Variants in OLFM3 observed in about 807,000 individuals in gnomAD.
The protein encoded by OLFM3 is olfactomedin 3, also known as noelin-3.
In OLFM3, 20 loss-of-function variants were observed where a neutral mutation model predicts 48.6. The ratio of observed to expected loss-of-function variants is 0.41; its 90% confidence interval spans 0.29 to 0.60. OLFM3 has a LOEUF of 0.60. OLFM3 is among the 20% of genes least tolerant of loss of function. The pLI is 0.28. For synonymous variants in OLFM3, 222 were observed against 198.1 expected, an observed-to-expected ratio of 1.12 and a Z score of -1.01; for missense variants, 437 against 544.3, an observed-to-expected ratio of 0.80 and a Z score of 1.96.
intron 4 of OLFM3, among the ~76,000 whole-genome samples, chr1:101,811,630 C>A (rs1437951291): frequency 6.6e-6 from 1 of 152,168 alleles, no homozygotes; most frequent in Non-Finnish European, 1.5e-5. Flanking sequence ...ATCAAAACCA[C>A]AATGAGATAC....
intron 1 of OLFM3, among the ~76,000 whole-genome samples, chr1:101,863,943 T>C (rs1207033693): frequency 6.6e-6 from 1 of 152,212 alleles, no homozygotes. Context: ...TCCCAGACAA[T>C]TGTCTCATAG....
At chr1:101,904,402 A>G (rs1658489480) in intron 1 of OLFM3, among the ~76,000 whole-genome samples, 1 of 152,078 alleles carries the variant, frequency 6.6e-6, no homozygotes, top group Admixed American at 6.6e-5. Context: ...AAGAGAGAGA[A>G]GTTCCATTTT....
chr1:101,857,357 C>CA (rs1656467399), intron 1 of OLFM3, among the ~76,000 whole-genome samples: 2 of 151,894 alleles, frequency 1.3e-5, no homozygotes, highest in Non-Finnish European at 2.9e-5. Context: ...AAAATAGATT[C>CA]AAAATTACAA....
chr1:101,842,644 A>T (rs1222937368), intron 1 of OLFM3, among the ~76,000 whole-genome samples: 1 of 152,282 alleles, frequency 6.6e-6, no homozygotes, highest in Non-Finnish European at 1.5e-5. Flanking sequence ...AGTCATATTT[A>T]GTCCCATGTC....
chr1:101,921,548 A>G (rs1293099709), intron 1 of OLFM3, among the ~76,000 whole-genome samples: 2 of 152,220 alleles, frequency 1.3e-5, no homozygotes, highest in East Asian at 3.9e-4. Flanking sequence ...GGCTTGAGTA[A>G]AAGGCACTTG....
At chr1:101,953,091 A>AT (rs1404915608) in intron 1 of OLFM3, among the ~76,000 whole-genome samples, 2 of 152,156 alleles carry the variant, frequency 1.3e-5, no homozygotes, top group African/African-American at 2.4e-5. Flanking sequence ...ACTTCTCAAT[A>AT]TTTTTATTAA....
intron 1 of OLFM3, among the ~76,000 whole-genome samples, chr1:101,848,023 T>C (rs767597327): frequency 6.6e-6 from 1 of 152,166 alleles, no homozygotes; most frequent in Non-Finnish European, 1.5e-5. Context: ...AATGATCTGT[T>C]TATTAGATTA....
At chr1:101,959,163 C>T (rs1660392471) in intron 1 of OLFM3, among the ~76,000 whole-genome samples, 1 of 151,926 alleles carries the variant, frequency 6.6e-6, no homozygotes, top group Non-Finnish European at 1.5e-5. Context: ...TGTGAGGCTG[C>T]AATGCATGCA....
rs1409636821 is a variant in OLFM3, at chr1:101,804,452, T to C, written c.1163A>G (p.Asn388Ser). The C allele has an allele frequency of 3.7e-6, 6 of 1,612,430 alleles. No individual in the cohort carries two copies. The highest frequency in any genetic ancestry group is 5.1e-6 in the Non-Finnish European group (6 of 1,178,980). Residue 388 changes from asparagine to serine, a missense_variant, in exon 6 of 6, where the codon AAC becomes AGC. Asn to Ser is a conservative substitution (Grantham distance 46, BLOSUM62 1). Transcript: ENST00000370103. This position sits in a 1 kb window ranked among gnomAD's most constrained non-coding sequence, Gnocchi z 4.5. ...FMICGTLYVT[N>S]SHLTGAKVYY... ...CACCTTGGCTCCAGTTAAGTGGGAG[T>C]TGGTGACATACAGTGTCCCACAGAT... is the stretch of plus-strand genomic sequence containing the variant.
At chr1:101,981,503 C>A (rs1661105261) in intron 1 of OLFM3, among the ~76,000 whole-genome samples, 1 of 152,146 alleles carries the variant, frequency 6.6e-6, no homozygotes. Flanking sequence ...TACAGCAAAA[C>A]TCCTCAGAAT....
chr1:101,831,241 T>C (rs1428480346), intron 2 of OLFM3, among the ~76,000 whole-genome samples: 1 of 152,212 alleles, frequency 6.6e-6, no homozygotes, highest in African/African-American at 2.4e-5. Context: ...TGGATGGTAG[T>C]GAAGTGTCGA....
intron 1 of OLFM3, among the ~76,000 whole-genome samples, chr1:101,857,569 C>T (rs1656476834): frequency 6.6e-6 from 1 of 151,840 alleles, no homozygotes; most frequent in African/African-American, 2.4e-5. Flanking sequence ...GCAAAGCATT[C>T]CACCCGCTCC....
chr1:101,918,331 TA>T (rs1252345575), intron 1 of OLFM3, among the ~76,000 whole-genome samples: 4 of 152,174 alleles, frequency 2.6e-5, no homozygotes, highest in African/African-American at 9.7e-5. Flanking sequence ...ATTAATATCT[TA>T]AGTTGTTTTG....
chr1:101,970,135 C>A (rs1280857573), intron 1 of OLFM3, among the ~76,000 whole-genome samples: 1 of 152,010 alleles, frequency 6.6e-6, no homozygotes, highest in Non-Finnish European at 1.5e-5. Context: ...CTTGCCTCAG[C>A]CTCCCTAGTA....
chr1:101,928,281 A>C (rs933922740), intron 1 of OLFM3, among the ~76,000 whole-genome samples: 1 of 152,158 alleles, frequency 6.6e-6, no homozygotes, highest in Non-Finnish European at 1.5e-5. Flanking sequence ...AAATATAGTC[A>C]TTCAGCGAGA....
chr1:101,856,301 G>A (rs1476389718), intron 1 of OLFM3, among the ~76,000 whole-genome samples: 2 of 151,854 alleles, frequency 1.3e-5, no homozygotes, highest in African/African-American at 2.4e-5. Context: ...AGAGGTTGAC[G>A]GAAACAGTTA....
At chr1:101,924,653 G>T (rs534865133) in intron 1 of OLFM3, among the ~76,000 whole-genome samples, 1 of 152,066 alleles carries the variant, frequency 6.6e-6, no homozygotes, top group African/African-American at 2.4e-5. Context: ...ATTTCCACTT[G>T]CATCCTCCAA....
At chr1:101,836,749 A>G (rs1655432870) in intron 2 of OLFM3, 130 bp downstream of exon 2, 1 of 910,354 alleles carries the variant, frequency 1.1e-6, no homozygotes, top group African/African-American at 1.7e-5. Context: ...GGATCAGAAA[A>G]AAAAGCTTAT....
intron 1 of OLFM3, among the ~76,000 whole-genome samples, chr1:101,866,110 T>C (rs1449631788): frequency 6.6e-6 from 1 of 152,178 alleles, no homozygotes; most frequent in African/African-American, 2.4e-5. Flanking sequence ...TACAGCCAGA[T>C]GAAATAAAAT....
Sources: allele counts gnomAD v4.1 joint callset (sites outside exome capture counted in the v4.1 genomes callset), GRCh38; gene constraint gnomAD v4.1.1; non-coding constraint Gnocchi (gnomAD v3.1); transcripts MANE v1.5; gene names NCBI Gene and HGNC (gene_info 2026-07-23, HGNC 2026-07-21).